The following YTHDC1 variants were observed in gnomAD, a reference collection of about 807,000 sequenced individuals.
YTHDC1 encodes YTH N6-methyladenosine RNA binding protein C1, also known as YTH domain-containing protein 1.
A neutral mutation model predicts 107.0 loss-of-function variants in YTHDC1; 12 were observed. The observed-to-expected ratio is 0.11, with a 90% CI of 0.07 to 0.18. The LOEUF (loss-of-function observed/expected upper bound fraction) is 0.18, where lower values mean the gene tolerates loss of function less well. Ranked by LOEUF, YTHDC1 falls within the 10% of genes least tolerant of loss-of-function variation. The pLI is 1.00. For synonymous variants in YTHDC1, 280 were observed against 289.5 expected, an observed-to-expected ratio of 0.97 and a Z score of 0.33; for missense variants, 635 against 898.8, an observed-to-expected ratio of 0.71 and a Z score of 3.75.
rs1308020055 is a variant in YTHDC1, at chr4:68,322,013, C to T, written c.1601+736G>A. Among the ~76,000 whole-genome samples, 1 of 152,208 alleles carries T rather than the reference C, an allele frequency of 6.6e-6. No individual in the cohort carries two copies. Among genetic ancestry groups the T allele is most frequent in the Non-Finnish European group, 1.5e-5 (1 of 68,034 alleles). ...CCTCTAAAAAACACTTTTAAGTCCA[C>T]AGGTACTGCCAGCATCTGGAAAAGT... On this transcript the variant is annotated intron_variant, in intron 11 of 16. Transcript: ENST00000344157. This position sits in a 1 kb window ranked among gnomAD's most constrained non-coding sequence, Gnocchi z 4.8.
At chr4:68,342,499 T>A (rs2109740861) in intron 1 of YTHDC1, among the ~76,000 whole-genome samples, 1 of 152,312 alleles carries the variant, frequency 6.6e-6, no homozygotes, top group South Asian at 2.1e-4. Context: ...CATATTCCAA[T>A]CACTGTTGAC....
In YTHDC1 at chr4:68,314,021, T is replaced by C; in HGVS notation, c.*78A>G. 1 of 1,422,694 alleles carries C rather than the reference T, an allele frequency of 7.0e-7. No individual in the cohort carries two copies. The highest frequency in any genetic ancestry group is 9.7e-7 in the Non-Finnish European group (1 of 1,030,224). 88.1% of individuals were successfully genotyped at this position (1,422,694 alleles called of 1,614,324 possible). On this transcript the variant is annotated 3_prime_UTR_variant, in exon 17 of 17. Transcript: ENST00000344157. Reference sequence around the variant, plus strand: ...CATAGGCAGACAGCTGAAAATAAATTTACTACTTGTAAACACACACAAAAA... The same window carrying C: ...CATAGGCAGACAGCTGAAAATAAATCTACTACTTGTAAACACACACAAAAA...
Position 68,322,762 on chromosome 4 carries a change from G to A in YTHDC1, c.1588C>T (p.Arg530Trp), listed in dbSNP as rs376343599. ...AACGTTTCTAACCTTCCCACATCCC[G>A]GACTGGTTCTCGACGGGATGGACGT... ...RGRPSRREPVRDVGRRRPEDY... is the reference protein window; with the variant it reads ...RGRPSRREPVWDVGRRRPEDY... The change falls in exon 11 of 17, where the codon CGG (arginine) becomes TGG (tryptophan). Residue 530 changes from arginine (R) to tryptophan (W), a missense_variant. This residue lies in a region of YTHDC1 where 256 missense variants were observed against 372.9 expected (regional missense o/e 0.69). Transcript: ENST00000344157. The surrounding 1 kb of genome is among the most constrained non-coding windows in gnomAD (Gnocchi z 4.8). 5.0e-6 allele frequency: 8 copies of A among 1,613,798 alleles called. No homozygotes were observed. The highest frequency in any genetic ancestry group is 2.2e-5 in the East Asian group (1 of 44,888).
intron 9 of YTHDC1, among the ~76,000 whole-genome samples, chr4:68,327,236 C>CAAAAG (rs371529743): frequency 1.3e-5 from 2 of 151,292 alleles, no homozygotes; most frequent in Non-Finnish European, 2.9e-5. Context: ...AACTCCGTCT[C>CAAAAG]AAAAGAAAAG....
At chr4:68,314,951 T>C (rs937842200) in intron 16 of YTHDC1, among the ~76,000 whole-genome samples, 1 of 152,190 alleles carries the variant, frequency 6.6e-6, no homozygotes, top group African/African-American at 2.4e-5. Context: ...GAAATAAGAT[T>C]TGAAAACACA....
intron 9 of YTHDC1, among the ~76,000 whole-genome samples, chr4:68,327,165 G>C (rs895708807): frequency 6.6e-6 from 1 of 151,962 alleles, no homozygotes; most frequent in Non-Finnish European, 1.5e-5. Flanking sequence ...GAACCCGGGA[G>C]GCGGAAGTTG....
At chr4:68,338,100 G>A (rs1724417840) in intron 2 of YTHDC1, 183 bp downstream of exon 2, 2 of 918,888 alleles carry the variant, frequency 2.2e-6, no homozygotes. Flanking sequence ...ATATATTTGA[G>A]AAGTTTCATA....
rs1721272921 is a variant in YTHDC1, at chr4:68,311,109, C to CA, written c.*2989dup. On this transcript the variant is annotated 3_prime_UTR_variant, in exon 17 of 17. Transcript: ENST00000344157. ...TCTCTTGCTTCCCAATGCTGGGAGA[C>CA]AAAGAACCCCATTTCCTTGGAAATA... 1.3e-5 allele frequency: 2 copies of CA among 152,122 alleles called. No individual in the cohort carries two copies. The highest frequency in any genetic ancestry group is 4.8e-5 in the African/African-American group (2 of 41,416). The allele number at this position is 152,122 out of a possible 1,614,324, so 9.4% of individuals were successfully genotyped here.
Position 68,350,071 on chromosome 4 carries a change from A to C in YTHDC1, c.-318T>G. 2.0e-6 allele frequency: 1 copy of C among 497,798 alleles called. No individual in the cohort carries two copies. The highest frequency in any genetic ancestry group is 3.6e-6 in the Non-Finnish European group (1 of 277,112). 30.8% of individuals were successfully genotyped at this position (497,798 alleles called of 1,614,324 possible). A position where few individuals can be genotyped will look rare whatever the true frequency, so the allele number is the denominator to read the frequency against. On this transcript the variant is annotated 5_prime_UTR_variant, in exon 1 of 17. Transcript: ENST00000344157. ...AAAATGGAGCCTGCTTCCTGCGCGA[A>C]ACAATCCCGCTCCCGAAATGCCCTG... is the stretch of plus-strand genomic sequence containing the variant.
chr4:68,343,259 C>T (rs1293690468), intron 1 of YTHDC1, among the ~76,000 whole-genome samples: 1 of 151,772 alleles, frequency 6.6e-6, no homozygotes, highest in Non-Finnish European at 1.5e-5. Flanking sequence ...AGTGCAGTGG[C>T]GCAATCTGGG....
intron 7 of YTHDC1, among the ~76,000 whole-genome samples, chr4:68,331,641 T>C (rs1356648811): frequency 6.6e-6 from 1 of 152,120 alleles, no homozygotes; most frequent in Non-Finnish European, 1.5e-5. Flanking sequence ...TTTAAGCTAA[T>C]TCTTTTTCTT....
intron 7 of YTHDC1, among the ~76,000 whole-genome samples, chr4:68,331,574 T>C (rs1410854810): frequency 1.3e-5 from 2 of 152,118 alleles, no homozygotes; most frequent in East Asian, 1.9e-4. Context: ...AAAATTATTA[T>C]CTTACAACAT....
chr4:68,317,530 G>A (rs1366723950), intron 15 of YTHDC1, among the ~76,000 whole-genome samples: 1 of 152,082 alleles, frequency 6.6e-6, no homozygotes, highest in African/African-American at 2.4e-5. Flanking sequence ...TTTATTTCTT[G>A]AAAATTAATG....
intron 1 of YTHDC1, among the ~76,000 whole-genome samples, chr4:68,338,747 G>A (rs1308499160): frequency 6.6e-6 from 1 of 152,172 alleles, no homozygotes; most frequent in Non-Finnish European, 1.5e-5. Context: ...CTACTCAGAA[G>A]GCTCAGGGAC....
At chr4:68,318,434 G>A in intron 15 of YTHDC1, 85 bp downstream of exon 15, 1 of 1,331,310 alleles carries the variant, frequency 7.5e-7, no homozygotes, top group Non-Finnish European at 1.0e-6. Context: ...ATGAGTAACT[G>A]TAACAATCAT....
chr4:68,327,008 G>A (rs369759211), intron 9 of YTHDC1, among the ~76,000 whole-genome samples: 6 of 150,658 alleles, frequency 4.0e-5, no homozygotes, highest in South Asian at 2.1e-4. Flanking sequence ...AGGCTGAGGC[G>A]GGCGGATCAC....
chr4:68,318,285 A>G (rs1216278029), intron 15 of YTHDC1, among the ~76,000 whole-genome samples: 1 of 152,132 alleles, frequency 6.6e-6, no homozygotes, highest in Non-Finnish European at 1.5e-5. Flanking sequence ...TATTTTTAGT[A>G]GAGACAAGGT....
intron 1 of YTHDC1, among the ~76,000 whole-genome samples, chr4:68,344,810 C>A (rs1407762365): frequency 6.6e-6 from 1 of 152,130 alleles, no homozygotes; most frequent in African/African-American, 2.4e-5. Context: ...CCAAAGCAGG[C>A]ATATAGCTTG....
Position 68,338,242 on chromosome 4 carries a change from T to A in YTHDC1, c.130+41A>T, listed in dbSNP as rs1467903285. The A allele has an allele frequency of 2.0e-5, 31 of 1,517,594 alleles. No homozygotes were observed. The East Asian group carries it at 6.1e-4, about 30-fold the overall frequency. The allele number at this position is 1,517,594 out of a possible 1,614,324, so 94.0% of individuals were successfully genotyped here. On this transcript the variant is annotated intron_variant, in intron 2 of 16. Coordinates refer to ENST00000344157, the MANE Select transcript of YTHDC1 (RefSeq NM_001031732.4). ...TTTAAGAAATTGAATCTCCTCTATTTATACTGTTATTTCAACAAAAATAAT... is the reference window on the plus strand; with the variant it reads ...TTTAAGAAATTGAATCTCCTCTATTAATACTGTTATTTCAACAAAAATAAT...
Sources: allele counts gnomAD v4.1 joint callset (sites outside exome capture counted in the v4.1 genomes callset), GRCh38; gene constraint gnomAD v4.1.1; regional missense constraint gnomAD v4.1.1; non-coding constraint Gnocchi (gnomAD v3.1); transcripts MANE v1.5; gene names NCBI Gene and HGNC (gene_info 2026-07-23, HGNC 2026-07-21).